Variants in PCNX2 observed in about 807,000 individuals in gnomAD.
PCNX2 encodes the protein pecanex 2.
Under a neutral mutation model 223.8 loss-of-function variants are expected in PCNX2, and 168 were observed. The ratio of observed to expected loss-of-function variants is 0.75; its 90% CI spans 0.66 to 0.85. The LOEUF (loss-of-function observed/expected upper bound fraction) is 0.85. PCNX2 is among the 40% of genes least tolerant of loss of function. The probability of loss-of-function intolerance (pLI) is 0.00; values close to 1 mark genes in which losing one functional copy is unlikely to be tolerated. For missense variants in PCNX2, 2,507 were observed against 2,675.5 expected (o/e 0.94, Z 1.39); for synonymous variants, 1,006 against 1,052.6 (o/e 0.96, Z 0.86).
intron 23 of PCNX2, among the ~76,000 whole-genome samples, chr1:233,073,839 T>C (rs1672964929): frequency 6.6e-6 from 1 of 152,132 alleles, no homozygotes; most frequent in Non-Finnish European, 1.5e-5. Flanking sequence ...CTGGTGGTAT[T>C]AAACTTTTGA....
At chr1:233,211,751 AGCC>A (rs779135325) in intron 12 of PCNX2, 17 of 984,424 alleles carry the variant, frequency 1.7e-5, no homozygotes, top group Non-Finnish European at 2.1e-5. Flanking sequence ...CCAAGGACTC[AGCC>A]TGACATCACA....
intron 2 of PCNX2, 101 bp downstream of exon 2, chr1:233,262,857 T>C (rs1040066796): frequency 2.2e-5 from 23 of 1,044,354 alleles, no homozygotes; most frequent in Admixed American, 9.2e-5. Flanking sequence ...TATATTTCTG[T>C]CTGCCTATAC....
Position 233,135,227 on chromosome 1 carries a change from G to C in PCNX2, c.3660-37C>G, listed in dbSNP as rs754120102. 4.4e-6 allele frequency: 7 copies of C among 1,577,264 alleles called. No individual in the cohort carries two copies. In the East Asian group the frequency reaches 1.6e-4, roughly 36 times the overall value. On this transcript the variant is annotated intron_variant, in intron 20 of 33. Coordinates refer to ENST00000258229, the MANE Select transcript of PCNX2 (RefSeq NM_014801.4). ...AAAAGAAAAGATGCAATCAATGACAGTGTGCACACTGCTGGATGAGTTTCA... is the reference window on the plus strand; with the variant it reads ...AAAAGAAAAGATGCAATCAATGACACTGTGCACACTGCTGGATGAGTTTCA...
At chr1:233,102,265 T>C (rs1379272600) in intron 21 of PCNX2, among the ~76,000 whole-genome samples, 1 of 152,168 alleles carries the variant, frequency 6.6e-6, no homozygotes, top group Non-Finnish European at 1.5e-5. Flanking sequence ...CACGGTTTCT[T>C]TATCCATTCA....
At chr1:233,232,612 G>GT (rs1195453563) in intron 9 of PCNX2, among the ~76,000 whole-genome samples, 1 of 152,016 alleles carries the variant, frequency 6.6e-6, no homozygotes, top group East Asian at 1.9e-4. Context: ...AAAAATAAAT[G>GT]TTACGATATT....
At chr1:233,227,063 A>G (rs1657774925) in intron 10 of PCNX2, among the ~76,000 whole-genome samples, 163 bp downstream of exon 10, 1 of 152,184 alleles carries the variant, frequency 6.6e-6, no homozygotes, top group East Asian at 1.9e-4. Context: ...CTGAACTACA[A>G]TTTGTTGTCA....
chr1:233,014,644 C>T (rs977444873), intron 28 of PCNX2, 21 bp downstream of exon 28: 1 of 1,600,412 alleles, frequency 6.2e-7, no homozygotes, highest in Middle Eastern at 1.7e-4. Context: ...CTAAGAGATT[C>T]TAACTTCTCC....
At chr1:233,056,905 A>G (rs1410905767) in intron 24 of PCNX2, among the ~76,000 whole-genome samples, 10 of 152,292 alleles carry the variant, frequency 6.6e-5, no homozygotes, top group Non-Finnish European at 1.3e-4. Flanking sequence ...ATGTTTTTCC[A>G]AAGAATTTTT....
At chr1:233,280,992 T>G (rs1661167626) in intron 1 of PCNX2, among the ~76,000 whole-genome samples, 1 of 146,012 alleles carries the variant, frequency 6.8e-6, no homozygotes, top group Non-Finnish European at 1.5e-5. Flanking sequence ...TCATCATCTA[T>G]TCATCATTCA....
chr1:233,247,520 T>G (rs867444293), intron 8 of PCNX2, among the ~76,000 whole-genome samples: 38 of 152,160 alleles, frequency 2.5e-4, no homozygotes, highest in African/African-American at 8.9e-4. Flanking sequence ...GATGGAGTCT[T>G]GCCATGTTGC....
intron 23 of PCNX2, among the ~76,000 whole-genome samples, chr1:233,070,742 A>C (rs917448167): frequency 6.6e-6 from 1 of 152,204 alleles, no homozygotes; most frequent in Non-Finnish European, 1.5e-5. Context: ...ATCATCTATA[A>C]AAACCTACAG....
intron 21 of PCNX2, among the ~76,000 whole-genome samples, chr1:233,117,631 A>T (rs1344112332): frequency 6.6e-6 from 1 of 150,508 alleles, no homozygotes; most frequent in Non-Finnish European, 1.5e-5. Context: ...CACAACCCCC[A>T]TACACAAAAA....
intron 26 of PCNX2, chr1:233,018,661 A>T: frequency 3.3e-6 from 2 of 614,624 alleles, no homozygotes; most frequent in Non-Finnish European, 4.1e-6. Flanking sequence ...GCTGCTGTGG[A>T]GTCCCTGCCA....
At chr1:233,142,106 A>AT (rs1490793119) in intron 19 of PCNX2, among the ~76,000 whole-genome samples, 1 of 152,134 alleles carries the variant, frequency 6.6e-6, no homozygotes, top group Non-Finnish European at 1.5e-5. Context: ...ACAAAGTATA[A>AT]TTTTTTCTGG....
intron 21 of PCNX2, among the ~76,000 whole-genome samples, chr1:233,113,435 T>G (rs1306498296): frequency 6.6e-6 from 1 of 152,056 alleles, no homozygotes; most frequent in African/African-American, 2.4e-5. Context: ...CCACTATGAG[T>G]CAGCATCTCT....
At chr1:233,300,853 G>T in the PCNX2 span, among the ~76,000 whole-genome samples, 3 of 152,150 alleles carry the variant, frequency 2.0e-5, no homozygotes, top group Admixed American at 6.5e-5. Context: ...TAGTGAAGAG[G>T]TGATCTTGCA....
In PCNX2 at chr1:233,001,130, C is replaced by G. The variant is rs1670067122; in HGVS notation, c.5097+407G>C. On this transcript the variant is annotated intron_variant, in intron 29 of 33. Coordinates refer to ENST00000258229, the MANE Select transcript of PCNX2 (RefSeq NM_014801.4). The surrounding 1 kb of genome is among the most constrained non-coding windows in gnomAD (Gnocchi z 4.2). ...ATCACTGCAGCCTGAAACTCCCGGGCTCAAGCTATCCTCCCACCTTAACCT... is the reference window on the plus strand; with the variant it reads ...ATCACTGCAGCCTGAAACTCCCGGGGTCAAGCTATCCTCCCACCTTAACCT... 6.6e-6 allele frequency among the ~76,000 whole-genome samples: 1 copy of G among 152,132 alleles called. No individual in the cohort carries two copies. Among genetic ancestry groups the G allele is most frequent in the South Asian group, 2.1e-4 (1 of 4,830 alleles).
At chr1:233,267,240 G>A (rs1297936397) in intron 1 of PCNX2, among the ~76,000 whole-genome samples, 2 of 151,744 alleles carry the variant, frequency 1.3e-5, no homozygotes, top group African/African-American at 2.4e-5. Flanking sequence ...TCACTTGAAC[G>A]TGGGAGGCAG....
chr1:233,073,019 T>C (rs1456168147), intron 23 of PCNX2, among the ~76,000 whole-genome samples: 3 of 152,230 alleles, frequency 2.0e-5, no homozygotes, highest in Non-Finnish European at 4.4e-5. Context: ...GGGCTTTTTC[T>C]TTGTAGGGAG....
Sources: gnomAD v4.1 joint callset for allele counts (sites outside exome capture counted in the v4.1 genomes callset) on GRCh38, gnomAD v4.1.1 for gene constraint, Gnocchi (gnomAD v3.1) non-coding constraint, MANE v1.5 for transcripts, NCBI Gene and HGNC (gene_info 2026-07-23, HGNC 2026-07-21) for gene names.